Variants in KCNH3 observed in about 807,000 individuals in gnomAD.
KCNH3 encodes potassium voltage-gated channel subfamily H member 3, also known as voltage-gated inwardly rectifying potassium channel KCNH3.
Under a neutral mutation model 95.6 loss-of-function variants are expected in KCNH3, and 36 were observed. The ratio of observed to expected loss-of-function variants is 0.38; its 90% CI spans 0.29 to 0.50. The LOEUF is 0.50. Among genes scored for constraint, KCNH3 ranks in the 20% least tolerant of loss-of-function variants. The pLI, the probability that KCNH3 is intolerant of heterozygous loss-of-function variation, is 0.95. For synonymous variants in KCNH3, 620 were observed against 646.3 expected (o/e 0.96, Z 0.62); for missense variants, 1,030 against 1,484.1 (o/e 0.69, Z 5.03).
At chr12:49,548,097 T>TGTGTGTGTG (rs1257866703) in intron 7 of KCNH3, among the ~76,000 whole-genome samples, 11 of 67,566 alleles carry the variant, frequency 1.6e-4, no homozygotes, top group South Asian at 1.3e-3. Flanking sequence ...TGTGACTACG[T>TGTGTGTGTG]GTGTGTGTGT....
At chr12:49,543,832 C>A in intron 5 of KCNH3, 83 bp from the exon 6 acceptor site, 1 of 1,527,886 alleles carries the variant, frequency 6.5e-7, no homozygotes, top group Non-Finnish European at 8.9e-7. Context: ...ACAGTGTCAA[C>A]TACTGAGAAA....
chr12:49,556,274 C>G, intron 12 of KCNH3, 96 bp from the exon 13 acceptor site: 1 of 893,282 alleles, frequency 1.1e-6, no homozygotes, highest in African/African-American at 1.6e-5. Context: ...CACGCTCCTG[C>G]AGCCTGTGTG....
intron 12 of KCNH3, 33 bp from the exon 13 acceptor site, chr12:49,556,337 A>C (rs759402068): frequency 1.3e-6 from 2 of 1,516,170 alleles, no homozygotes. Flanking sequence ...CTGCCTGTCC[A>C]TTGATTTGTT....
At position 49,557,488 on chromosome 12, in the gene KCNH3, C is replaced by T. The variant is rs1422796893; in HGVS notation, c.2787C>T (p.Ala929=). ...PRASGEGPCP[A]STSGLLQPLC... ...CATCGGGAGAGGGGCCGTGCCCAGCCAGCACCTCCGGGCTTCTGCAGCCTC... is the reference window on the plus strand; with the variant it reads ...CATCGGGAGAGGGGCCGTGCCCAGCTAGCACCTCCGGGCTTCTGCAGCCTC... Residue 929 remains alanine, a synonymous_variant, in exon 15 of 15, where the codon GCC becomes GCT. Transcript: ENST00000257981. 1 of 1,611,692 alleles carries T rather than the reference C, an allele frequency of 6.2e-7. No homozygotes were observed. Among genetic ancestry groups the T allele is most frequent in the East Asian group, 2.2e-5 (1 of 44,880 alleles).
chr12:49,539,386 G>A lies in KCNH3; in HGVS notation c.-31G>A, dbSNP rs749049708. The A allele has an allele frequency of 2.7e-5, 41 of 1,495,042 alleles. No homozygotes were observed. Among genetic ancestry groups the A allele is most frequent in the Non-Finnish European group, 3.6e-5 (40 of 1,125,834 alleles). 92.6% of individuals were successfully genotyped at this position (1,495,042 alleles called of 1,614,324 possible). ...CGGCGCGGAGTCCCCGCACCCCGGA[G>A]GGATGGGGCGGGCAGCCGCGGGCGC... On this transcript the variant is annotated 5_prime_UTR_variant, in exon 1 of 15. Transcript: ENST00000257981. This position sits in a 1 kb window ranked among gnomAD's most constrained non-coding sequence, Gnocchi z 6.7.
At chr12:49,549,359 C>A in intron 8 of KCNH3, 82 bp from the exon 9 acceptor site, 2 of 1,533,910 alleles carry the variant, frequency 1.3e-6, no homozygotes, top group South Asian at 1.2e-5. Flanking sequence ...TAGGAGCGTG[C>A]GGGCCGAGGA....
intron 8 of KCNH3, 39 bp downstream of exon 8, chr12:49,549,212 A>G (rs773144562): frequency 5.2e-6 from 8 of 1,547,174 alleles, no homozygotes; most frequent in African/African-American, 1.4e-5. Context: ...GGCCACTCCC[A>G]GACTTCTGCC....
At chr12:49,544,694 G>C (rs1325994862) in intron 7 of KCNH3, among the ~76,000 whole-genome samples, 1 of 152,040 alleles carries the variant, frequency 6.6e-6, no homozygotes, top group Non-Finnish European at 1.5e-5. Flanking sequence ...CTGCCCTCCA[G>C]GGTTTCTCTG....
chr12:49,540,837 G>A lies in KCNH3; in HGVS notation c.77-62G>A, dbSNP rs372100238. On this transcript the variant is annotated intron_variant, in intron 1 of 14. Transcript: ENST00000257981. ...CTTTGGTTGCAGGCATTTGAGAAAG[G>A]AGGGGTGGTAGGCCTCCTGCCCCTT... 22 of 1,355,468 alleles carry A rather than the reference G, an allele frequency of 1.6e-5. No individual in the cohort carries two copies. The South Asian group carries it at 2.3e-4, about 14-fold the overall frequency. 84.0% of individuals were successfully genotyped at this position (1,355,468 alleles called of 1,614,324 possible). A position where few individuals can be genotyped will look rare whatever the true frequency, so the allele number is the denominator to read the frequency against.
At chr12:49,544,435 G>A (rs1937990075) in intron 7 of KCNH3, 53 bp downstream of exon 7, 2 of 1,569,268 alleles carry the variant, frequency 1.3e-6, no homozygotes, top group African/African-American at 2.7e-5. Flanking sequence ...TCAGAGGAGT[G>A]TGAGTGCCAG....
intron 8 of KCNH3, 124 bp downstream of exon 8, chr12:49,549,297 G>A (rs1204722709): frequency 2.1e-6 from 3 of 1,456,314 alleles, no homozygotes; most frequent in Non-Finnish European, 2.8e-6. Flanking sequence ...CGCGGAACCC[G>A]AGGCCGGGGG....
chr12:49,539,556 C>A lies in KCNH3; in HGVS notation c.76+64C>A. On this transcript the variant is annotated intron_variant, in intron 1 of 14. Coordinates refer to ENST00000257981, the MANE Select transcript of KCNH3 (RefSeq NM_012284.3). This position sits in a 1 kb window ranked among gnomAD's most constrained non-coding sequence, Gnocchi z 6.7. ...GACCCTCGCCAGGGCTCCCGCCTTC[C>A]CCGAACCCCCAGCAGCCCAGCTTGG... is the stretch of plus-strand genomic sequence containing the variant. 7.0e-7 allele frequency: 1 copy of A among 1,426,396 alleles called. No homozygotes were observed. Among genetic ancestry groups the A allele is most frequent in the Non-Finnish European group, 9.6e-7 (1 of 1,039,788 alleles). 88.4% of individuals were successfully genotyped at this position (1,426,396 alleles called of 1,614,324 possible).
chr12:49,539,515 T>G lies in KCNH3; in HGVS notation c.76+23T>G. The G allele has an allele frequency of 6.3e-7, 1 of 1,581,356 alleles. No homozygotes were observed. Among genetic ancestry groups the G allele is most frequent in the Non-Finnish European group, 8.6e-7 (1 of 1,165,216 alleles). ...CGCGTGAGTCCGACCCTCGCCCACTTGCACCCGGGCCGCCGGACCCTCGCC... is the reference window on the plus strand; with the variant it reads ...CGCGTGAGTCCGACCCTCGCCCACTGGCACCCGGGCCGCCGGACCCTCGCC... On this transcript the variant is annotated intron_variant, in intron 1 of 14. Coordinates refer to ENST00000257981, the MANE Select transcript of KCNH3 (RefSeq NM_012284.3). The surrounding 1 kb of genome is among the most constrained non-coding windows in gnomAD (Gnocchi z 6.7).
At chr12:49,541,530 C>T (rs1168550930) in intron 2 of KCNH3, 100 bp from the exon 3 acceptor site, 1 of 1,412,642 alleles carries the variant, frequency 7.1e-7, no homozygotes, top group Non-Finnish European at 9.7e-7. Context: ...ACCGCTAGAT[C>T]CTGCCTGTGT....
intron 9 of KCNH3, among the ~76,000 whole-genome samples, 188 bp from the exon 10 acceptor site, chr12:49,549,892 T>G (rs1032416845): frequency 1.3e-5 from 2 of 152,202 alleles, no homozygotes; most frequent in South Asian, 2.1e-4. Context: ...CTAAAGTGAT[T>G]GAGAGGGAGG....
At position 49,556,777 on chromosome 12, in the gene KCNH3, G is replaced by A. The variant is rs541659292; in HGVS notation, c.2575+301G>A. 14 of 660,970 alleles carry A rather than the reference G, an allele frequency of 2.1e-5. 1 individual carries two copies. The highest frequency in any genetic ancestry group is 1.7e-4 in the South Asian group (11 of 66,410). The allele number at this position is 660,970 out of a possible 1,614,324, so 40.9% of individuals were successfully genotyped here. ...TGTAAAAAAATGGGTTGATGTTTAC[G>A]TTATATAATGTAACTGAAAGCCTTA... is the stretch of plus-strand genomic sequence containing the variant. On this transcript the variant is annotated intron_variant, in intron 13 of 14. Coordinates refer to ENST00000257981, the MANE Select transcript of KCNH3 (RefSeq NM_012284.3).
rs561845362 is a variant in KCNH3, at chr12:49,544,224, G to A, written c.1031G>A (p.Arg344His). 13 of 1,593,460 alleles carry A rather than the reference G, an allele frequency of 8.2e-6. No homozygotes were observed. The highest frequency in any genetic ancestry group is 6.8e-5 in the East Asian group (3 of 43,950). The change falls in exon 7 of 15, where the codon CGC becomes CAC. Residue 344 changes from arginine (R) to histidine (H), a missense_variant. Arg to His is a conservative substitution (Grantham distance 29). Transcript: ENST00000257981. ...LKTVRLLRLL[R>H]LLPRLDRYSQ... ...ACGGTGCGCCTGCTGCGCCTGCTGC[G>A]CCTGCTTCCGCGGCTGGACCGGTAC... is the stretch of plus-strand genomic sequence containing the variant.
In KCNH3 at chr12:49,555,648, A is replaced by C. The variant is rs757979756; in HGVS notation, c.2165A>C (p.Asn722Thr). The C allele has an allele frequency of 3.2e-6, 5 of 1,568,226 alleles. No individual in the cohort carries two copies. Among genetic ancestry groups the C allele is most frequent in the Non-Finnish European group, 4.3e-6 (5 of 1,153,534 alleles). Residue 722 changes from asparagine to threonine, a missense_variant, in exon 12 of 15, where the codon AAT (asparagine) becomes ACT (threonine). Coordinates refer to ENST00000257981, the MANE Select transcript of KCNH3 (RefSeq NM_012284.3). ...EVDTSSLSGD[N>T]TLMSTLEEKE... ...GACACCAGCTCCCTGAGCGGCGACA[A>C]TACCCTTATGTCCACGCTGGAGGAG...
At chr12:49,554,649 A>T in intron 11 of KCNH3, 95 bp downstream of exon 11, 1 of 1,119,898 alleles carries the variant, frequency 8.9e-7, no homozygotes, top group African/African-American at 1.5e-5. Flanking sequence ...CTGTGTGTGA[A>T]GTGTGGCCTG....
Sources: allele counts gnomAD v4.1 joint callset (sites outside exome capture counted in the v4.1 genomes callset), GRCh38; gene constraint gnomAD v4.1.1; non-coding constraint Gnocchi (gnomAD v3.1); transcripts MANE v1.5; gene names NCBI Gene and HGNC (gene_info 2026-07-23, HGNC 2026-07-21).